The following PARVA variants were observed in gnomAD, a reference collection of about 807,000 sequenced individuals.
The protein encoded by PARVA is parvin alpha, also known as alpha-parvin.
Under a neutral mutation model 52.6 loss-of-function variants are expected in PARVA, and 25 were observed. That is an observed-to-expected ratio of 0.48 (90% CI 0.35 to 0.66). PARVA has a LOEUF of 0.66. Ranked by LOEUF, PARVA falls within the 30% of genes least tolerant of loss-of-function variation. The pLI, the probability that PARVA is intolerant of heterozygous loss-of-function variation, is 0.01. For synonymous variants in PARVA, 185 were observed against 179.1 expected, an observed-to-expected ratio of 1.03 and a Z score of -0.26; for missense variants, 373 against 450.9, an observed-to-expected ratio of 0.83 and a Z score of 1.56.
chr11:12,407,729 A>G (rs1232852193), intron 1 of PARVA, among the ~76,000 whole-genome samples: 5 of 152,168 alleles, frequency 3.3e-5, no homozygotes, highest in African/African-American at 1.2e-4. Flanking sequence ...TTCTCCCTGC[A>G]TCACTCTCAG....
intron 1 of PARVA, among the ~76,000 whole-genome samples, chr11:12,404,441 G>T (rs1213384705): frequency 6.6e-6 from 1 of 152,226 alleles, no homozygotes; most frequent in Non-Finnish European, 1.5e-5. Flanking sequence ...CTCAGTCTGG[G>T]TGGGCCCAGG....
chr11:12,492,845 A>G (rs1202539559), intron 4 of PARVA, among the ~76,000 whole-genome samples: 1 of 152,046 alleles, frequency 6.6e-6, no homozygotes, highest in African/African-American at 2.4e-5. Flanking sequence ...ACACACACAC[A>G]CACACAAGAT....
intron 5 of PARVA, among the ~76,000 whole-genome samples, chr11:12,504,058 T>A (rs113056397): frequency 5.3e-5 from 8 of 152,038 alleles, no homozygotes; most frequent in African/African-American, 1.4e-4. Context: ...AACCACCAGA[T>A]CACATGTGAG....
At chr11:12,517,500 G>A (rs1219781586) in intron 10 of PARVA, 110 bp from the exon 11 acceptor site, 6 of 786,944 alleles carry the variant, frequency 7.6e-6, no homozygotes, top group Non-Finnish European at 1.1e-5. Flanking sequence ...CTAGCAGCCT[G>A]GCTGGGGTGG....
intron 1 of PARVA, among the ~76,000 whole-genome samples, chr11:12,441,122 C>T (rs1033148727): frequency 6.6e-6 from 1 of 152,184 alleles, no homozygotes; most frequent in African/African-American, 2.4e-5. Context: ...CTGTTTCTTA[C>T]AACTAAAGAG....
Position 12,468,537 on chromosome 11 carries a change from T to C in PARVA, c.137-5208T>C, listed in dbSNP as rs1386433780. 1.8e-4 allele frequency among the ~76,000 whole-genome samples: 28 copies of C among 152,228 alleles called. 1 individual carries two copies. The highest frequency in any genetic ancestry group is 1.8e-3 in the Admixed American group (28 of 15,288). ...TATTCACCCATTGACTTTAGAATCC[T>C]GGTATCCCCATGTTATCAGTTAGGG... On this transcript the variant is annotated intron_variant, in intron 1 of 12. Transcript: ENST00000334956.
chr11:12,512,451 A>G (rs1418972332), intron 8 of PARVA, among the ~76,000 whole-genome samples: 1 of 152,072 alleles, frequency 6.6e-6, no homozygotes, highest in African/African-American at 2.4e-5. Context: ...AGGGCCTCGC[A>G]CCCTCCCAGC....
At chr11:12,377,436 G>A, upstream of PARVA, 1 of 1,377,426 alleles carries the variant, frequency 7.3e-7, no homozygotes. Flanking sequence ...CGCGGCCCCG[G>A]GAGCGCAGCT....
chr11:12,455,325 T>A (rs189856197), intron 1 of PARVA, among the ~76,000 whole-genome samples: 7 of 152,214 alleles, frequency 4.6e-5, no homozygotes, highest in Non-Finnish European at 8.8e-5. Context: ...CAGAGATACA[T>A]TTCGATTTAG....
At chr11:12,400,674 C>T (rs928667135) in intron 1 of PARVA, among the ~76,000 whole-genome samples, 7 of 152,112 alleles carry the variant, frequency 4.6e-5, no homozygotes, top group Non-Finnish European at 1.0e-4. Flanking sequence ...TTCCTTCCGT[C>T]TCTTTTTTGT....
intron 12 of PARVA, among the ~76,000 whole-genome samples, chr11:12,523,173 G>GGCAGTAGGTCACCACGAAAAGGA (rs1156283267): frequency 6.6e-6 from 1 of 152,142 alleles, no homozygotes; most frequent in Non-Finnish European, 1.5e-5. Flanking sequence ...CACCAGATAG[G>GGCAGTAGGTCACCACGAAAAGGA]GCAGTAGGTC....
intron 1 of PARVA, among the ~76,000 whole-genome samples, chr11:12,432,010 A>C (rs1474052744): frequency 6.6e-6 from 1 of 152,268 alleles, no homozygotes; most frequent in Non-Finnish European, 1.5e-5. Context: ...AACGAAATGA[A>C]ACTCCTTTCT....
intron 12 of PARVA, among the ~76,000 whole-genome samples, chr11:12,526,389 C>T (rs753140484): frequency 2.6e-5 from 4 of 152,122 alleles, no homozygotes; most frequent in Admixed American, 1.3e-4. Flanking sequence ...TAATTTCTCC[C>T]ATCTTTGAAT....
chr11:12,473,673 C>G (rs1315930957), intron 1 of PARVA, 72 bp from the exon 2 acceptor site: 6 of 1,127,522 alleles, frequency 5.3e-6, no homozygotes, highest in African/African-American at 4.6e-5. Context: ...ATATCGAACA[C>G]CCTTGTTACA....
At chr11:12,463,673 C>A (rs11824938) in intron 1 of PARVA, among the ~76,000 whole-genome samples, 5,036 of 152,240 alleles carry the variant, frequency 0.033, 306 homozygotes, top group African/African-American at 0.11. Flanking sequence ...AAGGAAGTCA[C>A]TAGACGCAGC....
intron 12 of PARVA, 25 bp from the exon 13 acceptor site, chr11:12,527,824 T>A (rs1589994316): frequency 6.4e-7 from 1 of 1,573,694 alleles, no homozygotes. Context: ...ATGGAAACAA[T>A]TGGTGTTTTT....
chr11:12,489,060 C>T lies in PARVA; in HGVS notation c.401-7398C>T, dbSNP rs1036948976. Among the ~76,000 whole-genome samples the T allele has an allele frequency of 3.3e-5, 5 of 151,902 alleles. No homozygotes were observed. The East Asian group carries it at 9.7e-4, about 29-fold the overall frequency. ...GAGCTATAGACTGGGTATGGTGGCT[C>T]ATACCTGTAGCCCCAGCACTTTGGG... On this transcript the variant is annotated intron_variant, in intron 4 of 12. Transcript: ENST00000334956.
intron 1 of PARVA, among the ~76,000 whole-genome samples, chr11:12,388,228 A>G (rs1297600869): frequency 6.6e-6 from 1 of 152,192 alleles, no homozygotes; most frequent in African/African-American, 2.4e-5. Flanking sequence ...CAGCTGCTTA[A>G]TTTTTGTTCA....
intron 1 of PARVA, among the ~76,000 whole-genome samples, chr11:12,448,418 G>A (rs965247176): frequency 7.2e-5 from 11 of 152,320 alleles, no homozygotes; most frequent in Non-Finnish European, 1.3e-4. Context: ...TGGATGGGAT[G>A]ATGCTCAGAT....
Sources: gnomAD v4.1 joint callset for allele counts (sites outside exome capture counted in the v4.1 genomes callset) on GRCh38, gnomAD v4.1.1 for gene constraint, MANE v1.5 for transcripts, NCBI Gene and HGNC (gene_info 2026-07-23, HGNC 2026-07-21) for gene names.